Variants in HCRTR2 observed in about 807,000 individuals in gnomAD.
HCRTR2 encodes the protein hypocretin receptor 2, also known as orexin receptor type 2.
HCRTR2 carries 22 observed loss-of-function variants against 49.0 expected under a neutral mutation model. The ratio of observed to expected loss-of-function variants is 0.45; its 90% confidence interval spans 0.32 to 0.64. The LOEUF is 0.64. HCRTR2 is among the 30% of genes least tolerant of loss of function. The pLI, the probability that HCRTR2 is intolerant of heterozygous loss-of-function variation, is 0.04. For synonymous variants in HCRTR2, 236 were observed against 205.3 expected, an observed-to-expected ratio of 1.15 and a Z score of -1.28; for missense variants, 491 against 559.4, an observed-to-expected ratio of 0.88 and a Z score of 1.23.
At chr6:55,272,466 C>A (rs1766990995) in intron 4 of HCRTR2, among the ~76,000 whole-genome samples, 1 of 151,904 alleles carries the variant, frequency 6.6e-6, no homozygotes, top group African/African-American at 2.4e-5. Context: ...TGTGAATATT[C>A]TAAAAATCAT....
At chr6:55,188,310 A>C (rs1312390424) in intron 1 of HCRTR2, among the ~76,000 whole-genome samples, 1 of 152,224 alleles carries the variant, frequency 6.6e-6, no homozygotes. Context: ...ACTAAAGGGA[A>C]AGAGGAGCGA....
intron 4 of HCRTR2, chr6:55,264,045 A>G: frequency 4.2e-6 from 2 of 481,820 alleles, no homozygotes; most frequent in Non-Finnish European, 7.4e-6. Context: ...GCATTTTTAG[A>G]GTAATATTCA....
chr6:55,269,659 G>A (rs1766933803), intron 4 of HCRTR2, among the ~76,000 whole-genome samples: 1 of 152,006 alleles, frequency 6.6e-6, no homozygotes, highest in African/African-American at 2.4e-5. Flanking sequence ...AATAAAAGAA[G>A]CTTAATAAGA....
intron 1 of HCRTR2, among the ~76,000 whole-genome samples, chr6:55,141,178 C>A (rs902566252): frequency 4.6e-4 from 60 of 131,836 alleles, no homozygotes; most frequent in East Asian, 1.0e-3. Flanking sequence ...ACTAAAAATA[C>A]AAAAAAAAAA....
chr6:55,120,115 G>T (rs12216078), intron 1 of HCRTR2, among the ~76,000 whole-genome samples: 8,663 of 152,112 alleles, frequency 0.057, 375 homozygotes, highest in African/African-American at 0.11. Context: ...CCTCTATTCT[G>T]TTCCATTGGT....
chr6:55,149,061 T>C (rs1764630406), intron 1 of HCRTR2, among the ~76,000 whole-genome samples: 1 of 152,102 alleles, frequency 6.6e-6, no homozygotes, highest in African/African-American at 2.4e-5. Context: ...GGCAATTGTC[T>C]AGTTGATTAG....
intron 1 of HCRTR2, among the ~76,000 whole-genome samples, chr6:55,149,422 G>C (rs1764635558): frequency 6.6e-6 from 1 of 152,062 alleles, no homozygotes. Context: ...ACAACTGTGG[G>C]TAAAAAGTGA....
At chr6:55,180,589 A>G (rs1765114754) in intron 1 of HCRTR2, among the ~76,000 whole-genome samples, 1 of 152,194 alleles carries the variant, frequency 6.6e-6, no homozygotes, top group Middle Eastern at 3.4e-3. Flanking sequence ...GACTCACTGG[A>G]AAAAAAATGT....
chr6:55,129,630 G>A (rs1232687064), intron 1 of HCRTR2, among the ~76,000 whole-genome samples: 1 of 151,944 alleles, frequency 6.6e-6, no homozygotes, highest in Non-Finnish European at 1.5e-5. Flanking sequence ...ATATTTTTTA[G>A]CACTTTTTTT....
At chr6:55,138,582 A>G (rs1184124652) in intron 1 of HCRTR2, among the ~76,000 whole-genome samples, 1 of 152,220 alleles carries the variant, frequency 6.6e-6, no homozygotes, top group Non-Finnish European at 1.5e-5. Context: ...TTTTGTTACA[A>G]TCACTGCTTT....
At chr6:55,155,837 G>A (rs549399041) in intron 1 of HCRTR2, among the ~76,000 whole-genome samples, 4 of 152,058 alleles carry the variant, frequency 2.6e-5, no homozygotes, top group African/African-American at 9.6e-5. Flanking sequence ...TATGAACAAA[G>A]TTTGATTCAT....
chr6:55,132,166 C>G (rs2127247135), intron 1 of HCRTR2, among the ~76,000 whole-genome samples: 1 of 151,774 alleles, frequency 6.6e-6, no homozygotes, highest in African/African-American at 2.4e-5. Context: ...ATGACTATCA[C>G]AAAAGTCTAT....
At chr6:55,246,880 T>C (rs1208362776) in intron 1 of HCRTR2, among the ~76,000 whole-genome samples, 1 of 152,036 alleles carries the variant, frequency 6.6e-6, no homozygotes, top group Non-Finnish European at 1.5e-5. Flanking sequence ...TTTGAACATA[T>C]ATTTGCTCTA....
At chr6:55,202,415 T>C (rs1214858248) in intron 1 of HCRTR2, among the ~76,000 whole-genome samples, 1 of 152,234 alleles carries the variant, frequency 6.6e-6, no homozygotes, top group Non-Finnish European at 1.5e-5. Flanking sequence ...ATCTAAATCC[T>C]AGTCTTCATT....
intron 2 of HCRTR2, among the ~76,000 whole-genome samples, chr6:55,250,767 A>G (rs1766533852): frequency 6.6e-6 from 1 of 152,128 alleles, no homozygotes; most frequent in Non-Finnish European, 1.5e-5. Context: ...CTACAGTTCA[A>G]GGAATATCCT....
At chr6:55,109,410 T>G (rs940927883) in intron 1 of HCRTR2, among the ~76,000 whole-genome samples, 2 of 152,058 alleles carry the variant, frequency 1.3e-5, no homozygotes, top group Admixed American at 1.3e-4. Flanking sequence ...AGAAGGTCAA[T>G]TTTTAAGCTA....
Position 55,282,282 on chromosome 6 carries a change from A to G in HCRTR2, c.1163A>G (p.His388Arg). The G allele has an allele frequency of 6.2e-7, 1 of 1,613,922 alleles. No individual in the cohort carries two copies. Among genetic ancestry groups the G allele is most frequent in the Non-Finnish European group, 8.5e-7 (1 of 1,179,948 alleles). The change falls in exon 7 of 7, where the codon CAT (histidine) becomes CGT (arginine). Residue 388 changes from histidine to arginine, a missense_variant. By Grantham distance (29) the His-to-Arg change is conservative. Transcript: ENST00000370862. The stretch of plus-strand genomic sequence containing the variant: ...TCTTGCTGTTGCCTTGGAGTTCACC[A>G]TCGCCAGGAGGATCGGCTCACCAGG... ...AFSCCCLGVH[H>R]RQEDRLTRGR...
At chr6:55,221,205 G>A (rs1466212879) in intron 1 of HCRTR2, among the ~76,000 whole-genome samples, 1 of 152,002 alleles carries the variant, frequency 6.6e-6, no homozygotes, top group Non-Finnish European at 1.5e-5. Context: ...AAAAATCTGA[G>A]AACCATGGAT....
intron 4 of HCRTR2, among the ~76,000 whole-genome samples, chr6:55,266,874 C>A (rs993862372): frequency 1.3e-5 from 2 of 152,072 alleles, no homozygotes; most frequent in African/African-American, 4.8e-5. Context: ...TGACATTTCC[C>A]AAACTCTAAA....
Sources: gnomAD v4.1 joint callset for allele counts (sites outside exome capture counted in the v4.1 genomes callset) on GRCh38, gnomAD v4.1.1 for gene constraint, MANE v1.5 for transcripts, NCBI Gene and HGNC (gene_info 2026-07-23, HGNC 2026-07-21) for gene names.